The following PTPRD variants were observed in gnomAD, a reference collection of about 807,000 sequenced individuals.
The protein encoded by PTPRD is protein tyrosine phosphatase receptor type D, also known as receptor-type tyrosine-protein phosphatase delta.
PTPRD carries 34 observed loss-of-function variants against 214.5 expected under a neutral mutation model. The observed-to-expected ratio is 0.16, with a 90% CI of 0.12 to 0.21. The LOEUF (loss-of-function observed/expected upper bound fraction) is 0.21. PTPRD is among the 10% of genes least tolerant of loss of function. PTPRD has a pLI of 1.00. For synonymous variants in PTPRD, 1,128 were observed against 845.7 expected, an observed-to-expected ratio of 1.33 and a Z score of -5.79; for missense variants, 2,545 against 2,398.7, an observed-to-expected ratio of 1.06 and a Z score of -1.27.
chr9:10,449,275 G>A (rs112698069), intron 2 of PTPRD, among the ~76,000 whole-genome samples: 2,146 of 151,896 alleles, frequency 0.014, 81 homozygotes, highest in African/African-American at 0.047. Context: ...TCCTGACGGC[G>A]AGTGATCTGC....
At chr9:8,633,832 C>G (rs117910303) in intron 13 of PTPRD, among the ~76,000 whole-genome samples, 2 of 151,916 alleles carry the variant, frequency 1.3e-5, no homozygotes, top group African/African-American at 2.4e-5. Flanking sequence ...AGCACATATA[C>G]GAATGTGGAT....
At chr9:10,313,874 G>A (rs1472809292) in intron 3 of PTPRD, among the ~76,000 whole-genome samples, 1 of 151,914 alleles carries the variant, frequency 6.6e-6, no homozygotes, top group African/African-American at 2.4e-5. Flanking sequence ...TACGATAGGT[G>A]CCATAGAGAG....
intron 10 of PTPRD, among the ~76,000 whole-genome samples, chr9:9,138,463 G>A (rs1378163884): frequency 6.6e-6 from 1 of 152,072 alleles, no homozygotes; most frequent in Non-Finnish European, 1.5e-5. Context: ...TTTTAGAATA[G>A]CTCTACCAGA....
intron 9 of PTPRD, among the ~76,000 whole-genome samples, chr9:9,287,821 G>A (rs1396983512): frequency 6.6e-6 from 1 of 151,814 alleles, no homozygotes; most frequent in Non-Finnish European, 1.5e-5. Flanking sequence ...AATCAGCCAG[G>A]AAACTATAGG....
At chr9:8,879,792 G>C in intron 11 of PTPRD, among the ~76,000 whole-genome samples, 1 of 152,140 alleles carries the variant, frequency 6.6e-6, no homozygotes, top group East Asian at 1.9e-4. Context: ...CACAAACGGA[G>C]AGAGGCTGGA....
At chr9:10,036,595 T>TA (rs1567230226) in intron 3 of PTPRD, among the ~76,000 whole-genome samples, 1 of 151,924 alleles carries the variant, frequency 6.6e-6, no homozygotes, top group Non-Finnish European at 1.5e-5. Flanking sequence ...TTCATTTTAT[T>TA]ATATTTTTGA....
intron 2 of PTPRD, among the ~76,000 whole-genome samples, chr9:10,408,696 T>C (rs1587521387): frequency 6.6e-6 from 1 of 151,850 alleles, no homozygotes; most frequent in Middle Eastern, 3.4e-3. Context: ...ATGCTACTGG[T>C]ACTGTATTTA....
chr9:10,277,237 A>C (rs965351796), intron 3 of PTPRD, among the ~76,000 whole-genome samples: 12 of 143,488 alleles, frequency 8.4e-5, no homozygotes, highest in Non-Finnish European at 1.3e-4. Context: ...TAAACATAAA[A>C]CATAAACATA....
chr9:10,557,869 T>A (rs2062970834), intron 2 of PTPRD, among the ~76,000 whole-genome samples: 1 of 152,196 alleles, frequency 6.6e-6, no homozygotes, highest in Non-Finnish European at 1.5e-5. Context: ...AAGAAGCATG[T>A]AAATGTTTTA....
At chr9:9,947,066 A>G (rs966356868) in intron 4 of PTPRD, among the ~76,000 whole-genome samples, 1 of 150,854 alleles carries the variant, frequency 6.6e-6, no homozygotes, top group Non-Finnish European at 1.5e-5. Flanking sequence ...CCAAAATACC[A>G]CAAAAGAAAT....
chr9:8,328,419 C>T (rs1056915561), intron 44 of PTPRD, among the ~76,000 whole-genome samples: 44 of 152,108 alleles, frequency 2.9e-4, no homozygotes, highest in Non-Finnish European at 4.1e-4. Flanking sequence ...TTTGTGGGCA[C>T]GCCGACATTT....
chr9:9,944,443 C>T (rs534339853), intron 4 of PTPRD, among the ~76,000 whole-genome samples: 3 of 152,056 alleles, frequency 2.0e-5, no homozygotes, highest in African/African-American at 4.8e-5. Flanking sequence ...ACATTTCTTT[C>T]TCCATATGAA....
intron 14 of PTPRD, among the ~76,000 whole-genome samples, chr9:8,589,319 T>C (rs921493525): frequency 6.6e-6 from 1 of 152,162 alleles, no homozygotes; most frequent in Non-Finnish European, 1.5e-5. Context: ...TCACATCTCA[T>C]ACAATAACAT....
chr9:8,758,648 C>G (rs1394159303), intron 11 of PTPRD, among the ~76,000 whole-genome samples: 4 of 152,084 alleles, frequency 2.6e-5, no homozygotes, highest in Non-Finnish European at 5.9e-5. Flanking sequence ...AAAAGAATTT[C>G]TGACTTAATT....
intron 3 of PTPRD, among the ~76,000 whole-genome samples, chr9:10,119,453 T>C (rs977947362): frequency 6.6e-6 from 1 of 151,998 alleles, no homozygotes; most frequent in African/African-American, 2.4e-5. Flanking sequence ...ATTTAGTACA[T>C]GAAAAATGTT....
intron 8 of PTPRD, among the ~76,000 whole-genome samples, chr9:9,403,725 A>C: frequency 6.6e-6 from 1 of 152,226 alleles, no homozygotes; most frequent in South Asian, 2.1e-4. Context: ...TAAAACGAAT[A>C]TTTTTAACAC....
In PTPRD at chr9:9,973,658, T is replaced by C. The variant is rs368365501; in HGVS notation, c.-471-35048A>G. On this transcript the variant is annotated intron_variant, in intron 4 of 45. Transcript: ENST00000381196. ...ACCAAGTACATGGGGCACTCACAGA[T>C]AGACGAGTCTAAAGTAAGGTGTCTT... Among the ~76,000 whole-genome samples, 125 of 152,286 alleles carry C rather than the reference T, an allele frequency of 8.2e-4. 4 individuals carry two copies. In the South Asian group the frequency reaches 0.025, roughly 31 times the overall value.
chr9:8,795,506 A>C (rs988403682), intron 11 of PTPRD, among the ~76,000 whole-genome samples: 2 of 152,160 alleles, frequency 1.3e-5, no homozygotes, highest in African/African-American at 4.8e-5. Context: ...AATTACACAA[A>C]AGAAAGTATG....
intron 11 of PTPRD, among the ~76,000 whole-genome samples, chr9:8,999,343 T>C (rs1158693898): frequency 2.0e-5 from 3 of 152,066 alleles, no homozygotes; most frequent in East Asian, 3.9e-4. Flanking sequence ...ACCCCCAGCC[T>C]GATCAGTCAG....
Sources: allele counts gnomAD v4.1 joint callset (sites outside exome capture counted in the v4.1 genomes callset), GRCh38; gene constraint gnomAD v4.1.1; transcripts MANE v1.5; gene names NCBI Gene and HGNC (gene_info 2026-07-23, HGNC 2026-07-21).